The following IQCH variants were observed in gnomAD, a reference collection of about 807,000 sequenced individuals.
IQCH encodes IQ motif containing H, also known as IQ domain-containing protein H.
In IQCH, 98 loss-of-function variants were observed where a neutral mutation model predicts 117.0. The observed-to-expected ratio is 0.84, with a 90% CI of 0.71 to 0.99. The LOEUF is 0.99. IQCH is among the 50% of genes least tolerant of loss of function. The probability of loss-of-function intolerance (pLI) is 0.00; values close to 1 mark genes in which losing one functional copy is unlikely to be tolerated. For synonymous variants in IQCH, 412 were observed against 448.2 expected (o/e 0.92, Z 1.02); for missense variants, 1,102 against 1,243.8 (o/e 0.89, Z 1.72).
intron 14 of IQCH, among the ~76,000 whole-genome samples, 193 bp downstream of exon 14, chr15:67,400,498 T>TCTTTTTTTTTTTC (rs769958345): frequency 7.3e-6 from 1 of 137,300 alleles, no homozygotes; most frequent in South Asian, 2.4e-4. Flanking sequence ...TTTCTTTTTT[T>TCTTTTTTTTTTTC]TTTTGAGATG....
At chr15:67,410,799 C>T (rs1567165395) in intron 14 of IQCH, among the ~76,000 whole-genome samples, 3 of 152,218 alleles carry the variant, frequency 2.0e-5, no homozygotes, top group Admixed American at 6.5e-5. Context: ...TATTTTCATA[C>T]ATTTGACAGC....
In IQCH at chr15:67,475,648, C is replaced by T. The variant is rs752387494; in HGVS notation, c.2677-48C>T. 3.8e-6 allele frequency: 6 copies of T among 1,575,604 alleles called. No individual in the cohort carries two copies. Among genetic ancestry groups the T allele is most frequent in the Admixed American group, 1.8e-5 (1 of 56,736 alleles). On this transcript the variant is annotated intron_variant, in intron 17 of 20. Coordinates refer to ENST00000335894, the MANE Select transcript of IQCH (RefSeq NM_001031715.3). This position sits in a 1 kb window ranked among gnomAD's most constrained non-coding sequence, Gnocchi z 5.7. ...GTTAATCTCAAGTATTCCAAAATTA[C>T]AAGTTTATTTAAATATCTGTTTAAT...
chr15:67,321,197 C>T (rs962530269), intron 4 of IQCH, among the ~76,000 whole-genome samples: 2 of 152,070 alleles, frequency 1.3e-5, no homozygotes, highest in African/African-American at 2.4e-5. Flanking sequence ...TTATGTGATG[C>T]GCTGTATGGG....
chr15:67,280,126 CAT>C (rs1268328781), intron 4 of IQCH, among the ~76,000 whole-genome samples: 1 of 152,104 alleles, frequency 6.6e-6, no homozygotes, highest in African/African-American at 2.4e-5. Context: ...AGTTAGAAAA[CAT>C]AATGTATAGG....
intron 8 of IQCH, among the ~76,000 whole-genome samples, chr15:67,367,774 G>A (rs1309462687): frequency 6.6e-6 from 1 of 151,962 alleles, no homozygotes; most frequent in Non-Finnish European, 1.5e-5. Flanking sequence ...AAGGAAGAGG[G>A]GCTGATGAAA....
At position 67,408,895 on chromosome 15, in the gene IQCH, G is replaced by C. The variant is rs2081371880; in HGVS notation, c.2098-8036G>C. Among the ~76,000 whole-genome samples the C allele has an allele frequency of 6.6e-6, 1 of 152,102 alleles. No homozygotes were observed. Among genetic ancestry groups the C allele is most frequent in the African/African-American group, 2.4e-5 (1 of 41,426 alleles). ...TGGTTTCTGCTTTAAAATATTGCAT[G>C]ATCTTAGAACAGTCATATGTATTTA... On this transcript the variant is annotated intron_variant, in intron 14 of 20. Transcript: ENST00000335894. The surrounding 1 kb of genome is among the most constrained non-coding windows in gnomAD (Gnocchi z 4.2).
chr15:67,262,740 C>T (rs976956827), intron 2 of IQCH, among the ~76,000 whole-genome samples: 1 of 151,980 alleles, frequency 6.6e-6, no homozygotes, highest in African/African-American at 2.4e-5. Context: ...AAAAAATTAG[C>T]CAGGTGTGGT....
rs893759598 is a variant in IQCH at position 67,425,022 on chromosome 15, A to G, written c.2505+3445A>G. ...TATTATCAACCTCTCATTTTTTGTC[A>G]GTCTAACAGGTTAAAAATTTTTTGT... On this transcript the variant is annotated intron_variant, in intron 16 of 20. Coordinates refer to ENST00000335894, the MANE Select transcript of IQCH (RefSeq NM_001031715.3). The surrounding 1 kb of genome is among the most constrained non-coding windows in gnomAD (Gnocchi z 5.5). 1.3e-5 allele frequency among the ~76,000 whole-genome samples: 2 copies of G among 152,086 alleles called. No homozygotes were observed. The highest frequency in any genetic ancestry group is 2.9e-5 in the Non-Finnish European group (2 of 68,024).
chr15:67,292,752 T>C (rs1307706394), intron 4 of IQCH, among the ~76,000 whole-genome samples: 4 of 152,190 alleles, frequency 2.6e-5, no homozygotes, highest in Non-Finnish European at 5.9e-5. Flanking sequence ...AAATGAACTG[T>C]TTCTCTTTCA....
At chr15:67,409,054 CTTT>C (rs1183052319) in intron 14 of IQCH, among the ~76,000 whole-genome samples, 1 of 152,078 alleles carries the variant, frequency 6.6e-6, no homozygotes, top group Non-Finnish European at 1.5e-5. Flanking sequence ...ACATATTCTT[CTTT>C]TTTTAAACCA....
In IQCH at chr15:67,459,939, G is replaced by C. The variant is rs944821430; in HGVS notation, c.2506-5188G>C. 6.6e-6 allele frequency: 1 copy of C among 152,126 alleles called. No individual in the cohort carries two copies. The highest frequency in any genetic ancestry group is 1.5e-5 in the Non-Finnish European group (1 of 68,032). The allele number at this position is 152,126 out of a possible 1,614,324, so 9.4% of individuals were successfully genotyped here. On this transcript the variant is annotated intron_variant, in intron 16 of 20. Coordinates refer to ENST00000335894, the MANE Select transcript of IQCH (RefSeq NM_001031715.3). The surrounding 1 kb of genome is among the most constrained non-coding windows in gnomAD (Gnocchi z 4.2). Reference sequence around the variant, plus strand: ...AAGGCGAGAGTATCATTTGAACGCAGGAGTTTGAGACCAGCCTGGGCAACA... The same window carrying C: ...AAGGCGAGAGTATCATTTGAACGCACGAGTTTGAGACCAGCCTGGGCAACA...
At chr15:67,302,827 A>T (rs1228198552) in intron 4 of IQCH, among the ~76,000 whole-genome samples, 2 of 152,238 alleles carry the variant, frequency 1.3e-5, no homozygotes, top group African/African-American at 2.4e-5. Flanking sequence ...ACTGCACTCC[A>T]GCCTGGGTGA....
Position 67,342,385 on chromosome 15 carries a change from G to A in IQCH, c.509-1678G>A, listed in dbSNP as rs1445447660. ...ACTCAGTAATCTCTTCTGCTTGTTC[G>A]AAAATCTTAATTTTTTCCTTCCAAT... On this transcript the variant is annotated intron_variant, in intron 5 of 20. Coordinates refer to ENST00000335894, the MANE Select transcript of IQCH (RefSeq NM_001031715.3). This position sits in a 1 kb window ranked among gnomAD's most constrained non-coding sequence, Gnocchi z 4.7. Among the ~76,000 whole-genome samples, 2 of 152,028 alleles carry A rather than the reference G, an allele frequency of 1.3e-5. No individual in the cohort carries two copies. Among genetic ancestry groups the A allele is most frequent in the South Asian group, 2.1e-4 (1 of 4,818 alleles).
intron 4 of IQCH, among the ~76,000 whole-genome samples, chr15:67,310,971 T>C (rs1967563167): frequency 6.6e-6 from 1 of 152,110 alleles, no homozygotes; most frequent in South Asian, 2.1e-4. Flanking sequence ...AGCTCTTCAA[T>C]TGTAGTAGCA....
chr15:67,297,394 A>C (rs1249222357), intron 4 of IQCH, among the ~76,000 whole-genome samples: 1 of 152,176 alleles, frequency 6.6e-6, no homozygotes, highest in South Asian at 2.1e-4. Context: ...TTTGAAAGCA[A>C]ATCCCAGACA....
At chr15:67,338,318 C>T (rs1342388515) in intron 5 of IQCH, among the ~76,000 whole-genome samples, 1 of 151,998 alleles carries the variant, frequency 6.6e-6, no homozygotes, top group South Asian at 2.1e-4. Context: ...AGAATTTTGG[C>T]AACTTCATCC....
chr15:67,337,504 T>A (rs1968949398), intron 5 of IQCH, among the ~76,000 whole-genome samples: 1 of 152,254 alleles, frequency 6.6e-6, no homozygotes, highest in African/African-American at 2.4e-5. Context: ...ATGTAATTAG[T>A]GTTTAAACTA....
At chr15:67,318,309 C>CA (rs1236596671) in intron 4 of IQCH, among the ~76,000 whole-genome samples, 1 of 152,030 alleles carries the variant, frequency 6.6e-6, no homozygotes, top group African/African-American at 2.4e-5. Flanking sequence ...ATGAGGAACA[C>CA]ATGTACCTAG....
chr15:67,309,586 T>C (rs2140556912), intron 4 of IQCH, among the ~76,000 whole-genome samples: 1 of 152,150 alleles, frequency 6.6e-6, no homozygotes, highest in East Asian at 1.9e-4. Flanking sequence ...GTAGGCCTAG[T>C]TGCACAGGAT....
Sources: gnomAD v4.1 joint callset for allele counts (sites outside exome capture counted in the v4.1 genomes callset) on GRCh38, gnomAD v4.1.1 for gene constraint, Gnocchi (gnomAD v3.1) non-coding constraint, MANE v1.5 for transcripts, NCBI Gene and HGNC (gene_info 2026-07-23, HGNC 2026-07-21) for gene names.